The following CDC42SE2 variants were observed in gnomAD, a reference collection of about 807,000 sequenced individuals.
CDC42SE2 encodes CDC42 small effector protein 2.
A neutral mutation model predicts 11.5 loss-of-function variants in CDC42SE2; 3 were observed. The observed-to-expected ratio is 0.26, with a 90% confidence interval of 0.12 to 0.67. The LOEUF (loss-of-function observed/expected upper bound fraction) is 0.67, where lower values mean the gene tolerates loss of function less well. Among genes scored for constraint, CDC42SE2 ranks in the 30% least tolerant of loss-of-function variants. The probability of loss-of-function intolerance (pLI) is 0.80; values close to 1 mark genes in which losing one functional copy is unlikely to be tolerated. For synonymous variants in CDC42SE2, 33 were observed against 34.8 expected, an observed-to-expected ratio of 0.95 and a Z score of 0.18; for missense variants, 82 against 106.8, an observed-to-expected ratio of 0.77 and a Z score of 1.02.
At chr5:131,294,197 A>T (rs1204755170) in intron 1 of CDC42SE2, among the ~76,000 whole-genome samples, 1 of 152,232 alleles carries the variant, frequency 6.6e-6, no homozygotes, top group Non-Finnish European at 1.5e-5. Context: ...GCTGAATTAA[A>T]TTGGGAATTC....
At chr5:131,277,626 GT>G (rs1017411882) in intron 1 of CDC42SE2, among the ~76,000 whole-genome samples, 3 of 152,176 alleles carry the variant, frequency 2.0e-5, no homozygotes, top group African/African-American at 4.8e-5. Context: ...AGTCTGTTCA[GT>G]TTCTCAAACA....
intron 1 of CDC42SE2, among the ~76,000 whole-genome samples, chr5:131,271,461 AG>A (rs1032294162): frequency 2.6e-5 from 4 of 152,326 alleles, no homozygotes; most frequent in Non-Finnish European, 5.9e-5. Context: ...ATATTTTATT[AG>A]GTATACATAG....
At chr5:131,268,489 G>C (rs1323480422) in intron 1 of CDC42SE2, among the ~76,000 whole-genome samples, 1 of 147,764 alleles carries the variant, frequency 6.8e-6, no homozygotes, top group Non-Finnish European at 1.5e-5. Context: ...TTTCACTCTT[G>C]TTGCCCAGGG....
Position 131,394,422 on chromosome 5 carries a change from C to T in CDC42SE2, c.*3331C>T, listed in dbSNP as rs892829656. The T allele has an allele frequency of 6.6e-6, 1 of 152,276 alleles. No individual in the cohort carries two copies. The highest frequency in any genetic ancestry group is 2.4e-5 in the African/African-American group (1 of 41,414). 9.4% of individuals were successfully genotyped at this position (152,276 alleles called of 1,614,324 possible). Reference sequence around the variant, plus strand: ...TATCAGTGGGCCTTTAAAAATACTTCGTAAGTACATTAGCTTTCACTTTGT... The same window carrying T: ...TATCAGTGGGCCTTTAAAAATACTTTGTAAGTACATTAGCTTTCACTTTGT... On this transcript the variant is annotated 3_prime_UTR_variant, in exon 5 of 5. Coordinates refer to ENST00000505065, the MANE Select transcript of CDC42SE2 (RefSeq NM_001375635.1).
intron 1 of CDC42SE2, among the ~76,000 whole-genome samples, chr5:131,279,452 C>G (rs1363776299): frequency 1.5e-5 from 1 of 65,516 alleles, no homozygotes; most frequent in African/African-American, 2.0e-4. Context: ...TCTCAGCCCT[C>G]CCCCCCCCCC....
At chr5:131,361,423 C>T (rs919650681) in intron 3 of CDC42SE2, among the ~76,000 whole-genome samples, 2 of 152,080 alleles carry the variant, frequency 1.3e-5, no homozygotes, top group Non-Finnish European at 2.9e-5. Flanking sequence ...GGGTGTGGCT[C>T]GCTTCTTCAG....
chr5:131,222,577 G>A, the CDC42SE2 span, among the ~76,000 whole-genome samples: 1 of 152,170 alleles, frequency 6.6e-6, no homozygotes, highest in Non-Finnish European at 1.5e-5. Flanking sequence ...AACATAAAAT[G>A]AATGGAGGTG....
chr5:131,301,351 G>T (rs947342431), intron 1 of CDC42SE2, among the ~76,000 whole-genome samples: 2 of 151,952 alleles, frequency 1.3e-5, no homozygotes, highest in African/African-American at 4.8e-5. Flanking sequence ...CCAACACAAA[G>T]AAATGATAAA....
At chr5:131,362,651 G>A (rs1749741536) in intron 3 of CDC42SE2, among the ~76,000 whole-genome samples, 1 of 152,118 alleles carries the variant, frequency 6.6e-6, no homozygotes, top group Admixed American at 6.5e-5. Flanking sequence ...ATTTTTCTGA[G>A]TATAGTAGAA....
intron 2 of CDC42SE2, among the ~76,000 whole-genome samples, chr5:131,349,629 T>TA (rs1758951545): frequency 6.6e-6 from 1 of 152,164 alleles, no homozygotes; most frequent in Admixed American, 6.6e-5. Flanking sequence ...TGTATATGAG[T>TA]ATGTGTTTTG....
chr5:131,335,523 G>C (rs892765305), intron 2 of CDC42SE2, among the ~76,000 whole-genome samples: 1 of 152,150 alleles, frequency 6.6e-6, no homozygotes. Flanking sequence ...GGATATCCTT[G>C]TTAACTTTCT....
At chr5:131,356,134 TGCTGTAGACCA>T (rs1044990731) in intron 2 of CDC42SE2, among the ~76,000 whole-genome samples, 7 of 152,234 alleles carry the variant, frequency 4.6e-5, no homozygotes, top group Admixed American at 4.6e-4. Context: ...TACTCTCTTG[TGCTGTAGACCA>T]GTCTGACCCC....
chr5:131,330,700 C>T (rs1363033629), intron 2 of CDC42SE2, among the ~76,000 whole-genome samples: 2 of 151,974 alleles, frequency 1.3e-5, no homozygotes, highest in South Asian at 2.1e-4. Context: ...ATGCACAGGA[C>T]AGTGCCTGCA....
At chr5:131,275,892 G>C (rs371554846) in intron 1 of CDC42SE2, among the ~76,000 whole-genome samples, 3 of 151,434 alleles carry the variant, frequency 2.0e-5, no homozygotes, top group Non-Finnish European at 4.4e-5. Context: ...AAAAAAAAGC[G>C]TATATTTATT....
At chr5:131,233,663 G>T in the CDC42SE2 span, among the ~76,000 whole-genome samples, 2 of 152,130 alleles carry the variant, frequency 1.3e-5, no homozygotes, top group Non-Finnish European at 2.9e-5. Context: ...TGCCATGCCG[G>T]CCTAAAAACA....
At chr5:131,275,298 C>CT (rs200692326) in intron 1 of CDC42SE2, among the ~76,000 whole-genome samples, 1,989 of 138,336 alleles carry the variant, frequency 0.014, 25 homozygotes, top group African/African-American at 0.035. Context: ...ATATTGTAAT[C>CT]TTTTTTTTTT....
chr5:131,270,278 G>C (rs1008610852), intron 1 of CDC42SE2, among the ~76,000 whole-genome samples: 4 of 152,046 alleles, frequency 2.6e-5, no homozygotes, highest in Non-Finnish European at 5.9e-5. Flanking sequence ...GGGAGGCTGA[G>C]GCAGGAGAAT....
At chr5:131,300,487 T>TTAA (rs1464883366) in intron 1 of CDC42SE2, among the ~76,000 whole-genome samples, 4 of 152,130 alleles carry the variant, frequency 2.6e-5, no homozygotes, top group African/African-American at 9.7e-5. Context: ...GAATGGCCAT[T>TTAA]AATAATTATG....
At chr5:131,336,201 A>G (rs1182567255) in intron 2 of CDC42SE2, among the ~76,000 whole-genome samples, 1 of 152,146 alleles carries the variant, frequency 6.6e-6, no homozygotes, top group Non-Finnish European at 1.5e-5. Flanking sequence ...TTGTCTGTAA[A>G]GGATTTTATT....
Sources: gnomAD v4.1 joint callset for allele counts (sites outside exome capture counted in the v4.1 genomes callset) on GRCh38, gnomAD v4.1.1 for gene constraint, MANE v1.5 for transcripts, NCBI Gene and HGNC (gene_info 2026-07-23, HGNC 2026-07-21) for gene names.